Variants in LRRC7 observed in about 807,000 individuals in gnomAD.
LRRC7 encodes the protein leucine rich repeat containing 7, also known as leucine-rich repeat-containing protein 7.
Under a neutral mutation model 175.7 loss-of-function variants are expected in LRRC7, and 23 were observed. That is an observed-to-expected ratio of 0.13 (90% CI 0.09 to 0.19). The LOEUF is 0.19. Among genes scored for constraint, LRRC7 ranks in the 10% least tolerant of loss-of-function variants. The pLI is 1.00. For synonymous variants in LRRC7, 685 were observed against 680.9 expected (o/e 1.01, Z -0.09); for missense variants, 1,354 against 1,904.7 (o/e 0.71, Z 5.38).
chr1:70,030,775 A>G (rs1181343921), intron 18 of LRRC7, among the ~76,000 whole-genome samples: 1 of 152,234 alleles, frequency 6.6e-6, no homozygotes. Flanking sequence ...AATAAGGTAA[A>G]AAGATTACAA....
At position 69,887,264 on chromosome 1, in the gene LRRC7, G is replaced by A. The variant is rs1370716374; in HGVS notation, c.648-44243G>A. Reference sequence around the variant, plus strand: ...TCACTTTCAGGTACACCAATCAGACGTAGATTTGGTCTTTTCACATAGTCC... The same window carrying A: ...TCACTTTCAGGTACACCAATCAGACATAGATTTGGTCTTTTCACATAGTCC... On this transcript the variant is annotated intron_variant, in intron 7 of 26. Coordinates refer to ENST00000651989, the MANE Select transcript of LRRC7 (RefSeq NM_001370785.2). Among the ~76,000 whole-genome samples, 337 of 125,956 alleles carry A rather than the reference G, an allele frequency of 2.7e-3. 1 individual carries two copies. The highest frequency in any genetic ancestry group is 9.7e-3 in the African/African-American group (298 of 30,578). 82.6% of individuals were successfully genotyped at this position (125,956 alleles called of 152,430 possible).
chr1:69,606,073 T>A (rs189993854), intron 1 of LRRC7, among the ~76,000 whole-genome samples: 1 of 152,318 alleles, frequency 6.6e-6, no homozygotes, highest in East Asian at 1.9e-4. Context: ...TTTATACATG[T>A]CTCAAACTTT....
intron 24 of LRRC7, among the ~76,000 whole-genome samples, chr1:70,078,119 T>C (rs1470861273): frequency 6.6e-6 from 1 of 152,188 alleles, no homozygotes; most frequent in Admixed American, 6.5e-5. Flanking sequence ...CTCGTGGTGA[T>C]AGGTATCCTA....
rs74541500 is a variant in LRRC7 at position 69,764,516 on chromosome 1, G to A, written c.303+4123G>A. Among the ~76,000 whole-genome samples the A allele has an allele frequency of 1.1e-3, 171 of 151,932 alleles. 3 individuals are homozygous for A. The East Asian group carries it at 0.028, about 25-fold the overall frequency. ...AGCACCATACTTTCAACATTTTCTC[G>A]GCTTAAAAGTTTACAACCCACTCCA... is the stretch of plus-strand genomic sequence containing the variant. On this transcript the variant is annotated intron_variant, in intron 3 of 26. Coordinates refer to ENST00000651989, the MANE Select transcript of LRRC7 (RefSeq NM_001370785.2).
At chr1:69,847,350 A>C (rs538418536) in intron 7 of LRRC7, among the ~76,000 whole-genome samples, 1 of 152,266 alleles carries the variant, frequency 6.6e-6, no homozygotes, top group East Asian at 1.9e-4. Context: ...AACCTAGTTA[A>C]CAGATATATT....
intron 7 of LRRC7, among the ~76,000 whole-genome samples, chr1:69,859,908 A>C (rs1213134611): frequency 6.6e-6 from 1 of 151,968 alleles, no homozygotes; most frequent in East Asian, 1.9e-4. Context: ...AATTATATCA[A>C]TCTTTTAGTA....
At chr1:70,107,274 A>G (rs17131207) in intron 25 of LRRC7, among the ~76,000 whole-genome samples, 16,545 of 152,256 alleles carry the variant, frequency 0.11, 1,203 homozygotes, top group African/African-American at 0.2. Flanking sequence ...ATGAAACAAT[A>G]TGCATTAAAA....
At chr1:69,986,008 C>G (rs1274488382) in intron 9 of LRRC7, among the ~76,000 whole-genome samples, 1 of 151,982 alleles carries the variant, frequency 6.6e-6, no homozygotes, top group East Asian at 1.9e-4. Flanking sequence ...TGGTATAACC[C>G]TATTTATTGT....
At chr1:69,876,695 T>C (rs780829773) in intron 7 of LRRC7, among the ~76,000 whole-genome samples, 2 of 152,166 alleles carry the variant, frequency 1.3e-5, no homozygotes, top group Non-Finnish European at 2.9e-5. Context: ...CATCGCCTCT[T>C]GTGCTTGGGC....
intron 7 of LRRC7, among the ~76,000 whole-genome samples, chr1:69,907,395 G>A (rs569870573): frequency 6.6e-6 from 1 of 152,128 alleles, no homozygotes; most frequent in Non-Finnish European, 1.5e-5. Flanking sequence ...TTGGCTGTGG[G>A]TTTGTCATAG....
At chr1:69,889,113 A>G (rs1331233142) in intron 7 of LRRC7, among the ~76,000 whole-genome samples, 5 of 152,182 alleles carry the variant, frequency 3.3e-5, no homozygotes, top group East Asian at 1.9e-4. Context: ...AATTCTAACA[A>G]TCTTCTGATG....
intron 24 of LRRC7, among the ~76,000 whole-genome samples, chr1:70,077,156 T>C (rs1247274035): frequency 6.6e-6 from 1 of 152,164 alleles, no homozygotes; most frequent in Admixed American, 6.5e-5. Flanking sequence ...CATATCAAAA[T>C]TAACTTCATT....
At chr1:69,764,627 T>C (rs1248435418) in intron 3 of LRRC7, among the ~76,000 whole-genome samples, 1 of 151,944 alleles carries the variant, frequency 6.6e-6, no homozygotes, top group African/African-American at 2.4e-5. Context: ...GTTAGAAAAG[T>C]ATTCTTCCTG....
chr1:69,826,431 A>G (rs1458278180), intron 5 of LRRC7, among the ~76,000 whole-genome samples: 4 of 152,154 alleles, frequency 2.6e-5, no homozygotes, highest in African/African-American at 9.7e-5. Flanking sequence ...GCAAGTGACC[A>G]TGTTGGTAAA....
chr1:69,843,258 G>T (rs924109832), intron 7 of LRRC7, among the ~76,000 whole-genome samples: 1 of 151,660 alleles, frequency 6.6e-6, no homozygotes, highest in South Asian at 2.1e-4. Context: ...GGGACCTCCC[G>T]ATTTTAGGAA....
intron 1 of LRRC7, among the ~76,000 whole-genome samples, chr1:69,631,481 A>C (rs547571895): frequency 1.4e-4 from 21 of 152,104 alleles, no homozygotes; most frequent in African/African-American, 4.3e-4. Context: ...TCAAGGTGTG[A>C]TGTCATCTTG....
At chr1:69,777,675 C>T (rs887815045) in intron 3 of LRRC7, among the ~76,000 whole-genome samples, 1 of 152,188 alleles carries the variant, frequency 6.6e-6, no homozygotes, top group Non-Finnish European at 1.5e-5. Context: ...TCATCATTTA[C>T]TCTTTCTATT....
chr1:69,569,651 T>G (rs531787049), intron 1 of LRRC7, among the ~76,000 whole-genome samples: 1 of 152,036 alleles, frequency 6.6e-6, no homozygotes, highest in East Asian at 1.9e-4. Context: ...ATAACGGAGA[T>G]GGCTGAAAGA....
chr1:69,980,450 T>C lies in LRRC7; in HGVS notation c.783T>C (p.Pro261=), dbSNP rs777168970. The stretch of plus-strand genomic sequence containing the variant: ...ATAATAATGCATTACAAGTGTTACC[T>C]GGGGTATGTAAGTTTTTATTCTACC... ...WMDNNALQVL[P]GSIGKLKMLV... is the part of the protein sequence containing the mutation. The change falls in exon 9 of 27, where the codon CCT becomes CCC. Residue 261 remains proline, a synonymous_variant. Transcript: ENST00000651989. 4 of 1,604,142 alleles carry C rather than the reference T, an allele frequency of 2.5e-6. No individual in the cohort carries two copies. Among genetic ancestry groups the C allele is most frequent in the Non-Finnish European group, 3.4e-6 (4 of 1,173,200 alleles).
Sources: allele counts gnomAD v4.1 joint callset (sites outside exome capture counted in the v4.1 genomes callset), GRCh38; gene constraint gnomAD v4.1.1; transcripts MANE v1.5; gene names NCBI Gene and HGNC (gene_info 2026-07-23, HGNC 2026-07-21).